The following NAA25 variants were observed in gnomAD, a reference collection of about 807,000 sequenced individuals.
NAA25 encodes N-alpha-acetyltransferase 25, NatB auxiliary subunit.
Under a neutral mutation model 132.5 loss-of-function variants are expected in NAA25, and 30 were observed. That is an observed-to-expected ratio of 0.23 (90% confidence interval 0.17 to 0.31). The LOEUF is 0.31. NAA25 is among the 10% of genes least tolerant of loss of function. The probability of loss-of-function intolerance (pLI) is 1.00; values close to 1 mark genes in which losing one functional copy is unlikely to be tolerated. For missense variants in NAA25, 771 were observed against 1,150.4 expected (o/e 0.67, Z 4.77); for synonymous variants, 359 against 401.9 (o/e 0.89, Z 1.28).
intron 17 of NAA25, 33 bp from the exon 18 acceptor site, chr12:112,043,901 T>C (rs1225725905): frequency 1.3e-6 from 2 of 1,588,438 alleles, no homozygotes; most frequent in Admixed American, 3.6e-5. Context: ...TTATCTAACT[T>C]ATTCAATATT....
chr12:112,030,632 G>A (rs1054817851), intron 23 of NAA25, among the ~76,000 whole-genome samples: 3 of 152,200 alleles, frequency 2.0e-5, no homozygotes, highest in Non-Finnish European at 4.4e-5. Context: ...AAAGGAGGTT[G>A]GCTGAAGACT....
intron 8 of NAA25, 62 bp downstream of exon 8, chr12:112,075,616 T>G: frequency 7.6e-7 from 1 of 1,317,122 alleles, no homozygotes; most frequent in Non-Finnish European, 1.1e-6. Flanking sequence ...ACCAAGAAAA[T>G]CAATAGTGAG....
intron 17 of NAA25, among the ~76,000 whole-genome samples, chr12:112,045,439 A>C (rs1318046818): frequency 6.7e-6 from 1 of 148,266 alleles, no homozygotes; most frequent in African/African-American, 2.4e-5. Context: ...GTGAGCCGAG[A>C]TTGCGCCACC....
intron 17 of NAA25, among the ~76,000 whole-genome samples, chr12:112,046,586 T>G (rs911977427): frequency 2.6e-5 from 4 of 152,242 alleles, no homozygotes; most frequent in African/African-American, 9.6e-5. Context: ...TCTACTTTCC[T>G]AGAAGCAGAT....
At chr12:112,075,653 G>A (rs746293191) in intron 8 of NAA25, 25 bp downstream of exon 8, 1 of 1,578,792 alleles carries the variant, frequency 6.3e-7, no homozygotes, top group Non-Finnish European at 8.7e-7. Flanking sequence ...ACAGTCAAAT[G>A]GTACAAAAGA....
intron 11 of NAA25, among the ~76,000 whole-genome samples, chr12:112,062,883 AAAAC>A (rs1228035717): frequency 5.3e-5 from 8 of 151,784 alleles, no homozygotes; most frequent in South Asian, 2.1e-4. Context: ...CTCTACTAAA[AAAAC>A]AAACAAACAA....
chr12:112,095,026 G>A (rs1276995027), intron 1 of NAA25, among the ~76,000 whole-genome samples: 1 of 152,300 alleles, frequency 6.6e-6, no homozygotes, highest in African/African-American at 2.4e-5. Flanking sequence ...GTTAGGCTGA[G>A]TGTGGTGGCT....
At chr12:112,068,256 C>T (rs1269851253) in intron 11 of NAA25, among the ~76,000 whole-genome samples, 1 of 152,078 alleles carries the variant, frequency 6.6e-6, no homozygotes, top group Non-Finnish European at 1.5e-5. Context: ...AACATAATAG[C>T]TGCCCATAGA....
chr12:112,085,799 C>T (rs1347464594), intron 4 of NAA25, among the ~76,000 whole-genome samples: 1 of 151,090 alleles, frequency 6.6e-6, no homozygotes, highest in Non-Finnish European at 1.5e-5. Flanking sequence ...GCGAGCGGAT[C>T]ATGAGGTCAG....
intron 4 of NAA25, among the ~76,000 whole-genome samples, chr12:112,085,977 A>C (rs1377257278): frequency 1.5e-5 from 2 of 130,690 alleles, no homozygotes; most frequent in African/African-American, 5.8e-5. Context: ...AGATCATACC[A>C]CTGGATTCCA....
In NAA25 at chr12:112,094,510, T is replaced by C. The variant is rs563803681; in HGVS notation, c.59-1374A>G. Among the ~76,000 whole-genome samples, 25 of 152,290 alleles carry C rather than the reference T, an allele frequency of 1.6e-4. No homozygotes were observed. In the South Asian group the frequency reaches 5.2e-3, roughly 32 times the overall value. On this transcript the variant is annotated intron_variant, in intron 1 of 23. Transcript: ENST00000261745. ...TACCAAGTGGACTATGTTCCTTCAA[T>C]GAAATATATTTAATGAGTACTGACT...
At chr12:112,035,994 CA>C (rs1449328423) in intron 22 of NAA25, among the ~76,000 whole-genome samples, 27 of 152,236 alleles carry the variant, frequency 1.8e-4, no homozygotes, top group African/African-American at 6.5e-4. Context: ...CCAACATTTT[CA>C]AATGATAATG....
chr12:112,028,134 A>G lies in NAA25; in HGVS notation c.*1397T>C, dbSNP rs1593733502. 1 of 152,236 alleles carries G rather than the reference A, an allele frequency of 6.6e-6. No homozygotes were observed. The highest frequency in any genetic ancestry group is 1.5e-5 in the Non-Finnish European group (1 of 68,032). The allele number at this position is 152,236 out of a possible 1,614,324, so 9.4% of individuals were successfully genotyped here. A position where few individuals can be genotyped will look rare whatever the true frequency, so the allele number is the denominator to read the frequency against. On this transcript the variant is annotated 3_prime_UTR_variant, in exon 24 of 24. Coordinates refer to ENST00000261745, the MANE Select transcript of NAA25 (RefSeq NM_024953.4). ...AGCTCTCTTGGTTGCTTTTAAAAGA[A>G]AAAAGTACCACATTTCACTGGAGCA...
chr12:112,071,824 C>CTCGGTTG, intron 10 of NAA25, 71 bp downstream of exon 10: 2 of 1,261,526 alleles, frequency 1.6e-6, no homozygotes, highest in South Asian at 1.5e-5. Flanking sequence ...CAGTGTAGAT[C>CTCGGTTG]TCAACTAATG....
At chr12:112,041,175 G>T (rs746481443) in intron 20 of NAA25, among the ~76,000 whole-genome samples, 1 of 150,654 alleles carries the variant, frequency 6.6e-6, no homozygotes, top group Non-Finnish European at 1.5e-5. Flanking sequence ...AAATCATTTA[G>T]GGTCCTAAAA....
chr12:112,090,779 G>A lies in NAA25; in HGVS notation c.230C>T (p.Thr77Ile), dbSNP rs755993459. The A allele has an allele frequency of 5.6e-6, 9 of 1,613,902 alleles. No individual in the cohort carries two copies. The highest frequency in any genetic ancestry group is 7.6e-6 in the Non-Finnish European group (9 of 1,179,930). The change falls in exon 3 of 24, where the codon ACA becomes ATA. Residue 77 changes from threonine (T) to isoleucine (I), a missense_variant. Thr to Ile is a moderately conservative substitution (Grantham distance 89). Around this residue, in one of 3 missense-constraint regions of NAA25, gnomAD observed 417 missense variants for 733.8 expected, o/e 0.57. Coordinates refer to ENST00000261745, the MANE Select transcript of NAA25 (RefSeq NM_024953.4). ...CAGTGCCTGCAGTGAGTTGTCATCT[G>A]TGGGTTCAAGGGCTGCCACCTCCTG... Reference protein sequence around the residue: ...LAQEVAALEPTDDNSLQALTI... With the variant: ...LAQEVAALEPIDDNSLQALTI...
intron 1 of NAA25, among the ~76,000 whole-genome samples, chr12:112,101,485 G>A (rs1359787636): frequency 7.9e-5 from 12 of 151,954 alleles, no homozygotes; most frequent in African/African-American, 2.9e-4. Flanking sequence ...GGCCGGGTGC[G>A]GTGGCTCATG....
At position 112,042,543 on chromosome 12, in the gene NAA25, A is replaced by G. The variant is rs565923005; in HGVS notation, c.2375-439T>C. Among the ~76,000 whole-genome samples the G allele has an allele frequency of 5.3e-5, 8 of 149,970 alleles. No individual in the cohort carries two copies. The East Asian group carries it at 1.4e-3, about 25-fold the overall frequency. On this transcript the variant is annotated intron_variant, in intron 19 of 23. Coordinates refer to ENST00000261745, the MANE Select transcript of NAA25 (RefSeq NM_024953.4). ...TTTTTTTGAGACAAAGTCTCGCTCT[A>G]TCATCCAGGCTGGAGTGCAGTGGTG...
At chr12:112,050,190 A>G (rs1211769631) in intron 15 of NAA25, among the ~76,000 whole-genome samples, 1 of 152,222 alleles carries the variant, frequency 6.6e-6, no homozygotes, top group Non-Finnish European at 1.5e-5. Flanking sequence ...ACACTGCAGT[A>G]AAGTACCACT....
Sources: gnomAD v4.1 joint callset for allele counts (sites outside exome capture counted in the v4.1 genomes callset) on GRCh38, gnomAD v4.1.1 for gene constraint, gnomAD v4.1.1 regional missense constraint, MANE v1.5 for transcripts, NCBI Gene and HGNC (gene_info 2026-07-23, HGNC 2026-07-21) for gene names.